Variants in CYLC1 observed in about 807,000 individuals in gnomAD.
CYLC1 encodes cylicin-1.
In CYLC1, 2 loss-of-function variants were observed where a neutral mutation model predicts 31.6. That is an observed-to-expected ratio of 0.06 (90% CI 0.03 to 0.20). The LOEUF (loss-of-function observed/expected upper bound fraction) is 0.20, where lower values mean the gene tolerates loss of function less well. CYLC1 is among the 10% of genes least tolerant of loss of function. CYLC1 has a pLI of 1.00. For synonymous variants in CYLC1, 185 were observed against 153.0 expected, an observed-to-expected ratio of 1.21 and a Z score of -1.54; for missense variants, 595 against 424.1, an observed-to-expected ratio of 1.40 and a Z score of -3.54.
chrX:83,864,274 A>T (rs1303200510), intron 1 of CYLC1, among the ~76,000 whole-genome samples: 2 of 111,218 alleles, frequency 1.8e-5, no homozygotes, highest in Non-Finnish European at 3.8e-5. Flanking sequence ...ATAACACAGG[A>T]TTGGATTTTG....
chrX:83,883,887 T>A (rs772193642), intron 4 of CYLC1, among the ~76,000 whole-genome samples: 3 of 111,877 alleles, frequency 2.7e-5, no homozygotes, highest in East Asian at 2.8e-4. Context: ...TATGTTCAGT[T>A]CATAAATTTT....
chrX:83,866,575 A>T (rs1046043014), intron 1 of CYLC1, among the ~76,000 whole-genome samples: 63 of 110,999 alleles, frequency 5.7e-4, no homozygotes, highest in African/African-American at 1.7e-3. Context: ...CTGGTATAAC[A>T]TTCTCAGAAA....
intron 4 of CYLC1, among the ~76,000 whole-genome samples, chrX:83,876,863 T>A (rs1244190462): frequency 9.0e-6 from 1 of 110,777 alleles, no homozygotes; most frequent in Non-Finnish European, 1.9e-5. Context: ...CACTCTTTAT[T>A]TACAGTCCTC....
chrX:83,861,219 T>C lies in CYLC1; in HGVS notation c.17+20T>C, dbSNP rs2031505247. On this transcript the variant is annotated intron_variant, in intron 1 of 4. Transcript: ENST00000329312. The stretch of plus-strand genomic sequence containing the variant: ...AAGGTTGTAAGTCCTCTTTTTAATA[T>C]TTTTTTAGTATTTTAAATAGCCAAT... 1 of 1,138,239 alleles carries C rather than the reference T, an allele frequency of 8.8e-7. No homozygotes were observed. Among genetic ancestry groups the C allele is most frequent in the Non-Finnish European group, 1.2e-6 (1 of 836,507 alleles). 93.8% of individuals were successfully genotyped at this position (1,138,239 alleles called of 1,213,427 possible). A position where few individuals can be genotyped will look rare whatever the true frequency, so the allele number is the denominator to read the frequency against.
At chrX:83,881,980 G>C (rs2031915912) in intron 4 of CYLC1, among the ~76,000 whole-genome samples, 1 of 110,694 alleles carries the variant, frequency 9.0e-6, no homozygotes, top group Admixed American at 9.7e-5. Flanking sequence ...ACAGGCGTGA[G>C]CCACCGCGCC....
chrX:83,873,223 C>A lies in CYLC1; in HGVS notation c.515C>A (p.Ser172Tyr), dbSNP rs2031699105. Residue 172 changes from serine to tyrosine, a missense_variant, in exon 4 of 5, where the codon TCC (serine) becomes TAC (tyrosine). Transcript: ENST00000329312. Reference sequence around the variant, plus strand: ...AAATCATCACATGAAAATGAACAATCCAAGAAGTCAAAATCCAGTTCAGAA... The same window carrying A: ...AAATCATCACATGAAAATGAACAATACAAGAAGTCAAAATCCAGTTCAGAA... ...PLKSSHENEQSKKSKSSSETN... is the reference protein window; with the variant it reads ...PLKSSHENEQYKKSKSSSETN... 5 of 1,199,693 alleles carry A rather than the reference C, an allele frequency of 4.2e-6. No homozygotes were observed. Among genetic ancestry groups the A allele is most frequent in the Non-Finnish European group, 5.6e-6 (5 of 889,883 alleles).
Position 83,873,565 on chromosome X carries a change from A to C in CYLC1, c.857A>C (p.Lys286Thr). 1 of 1,194,775 alleles carries C rather than the reference A, an allele frequency of 8.4e-7. No individual in the cohort carries two copies. Among genetic ancestry groups the C allele is most frequent in the South Asian group, 1.8e-5 (1 of 54,575 alleles). The change falls in exon 4 of 5, where the codon AAG becomes ACG. Residue 286 changes from lysine to threonine, a missense_variant. Lys to Thr is a moderately conservative substitution (Grantham distance 78, BLOSUM62 -1). Transcript: ENST00000329312. Reference protein sequence around the residue: ...YSLKYTKYTKKDTKKNAKKSS... With the variant: ...YSLKYTKYTKTDTKKNAKKSS... ...TTGAAGTATACAAAGTATACAAAGAAGGACACAAAAAAGAATGCAAAGAAA... is the reference window on the plus strand; with the variant it reads ...TTGAAGTATACAAAGTATACAAAGACGGACACAAAAAAGAATGCAAAGAAA...
At chrX:83,867,444 A>C (rs1425078128) in intron 1 of CYLC1, among the ~76,000 whole-genome samples, 2 of 111,830 alleles carry the variant, frequency 1.8e-5, no homozygotes, top group Non-Finnish European at 3.8e-5. Flanking sequence ...GTTGTTGTGG[A>C]AAATTGTCAC....
intron 4 of CYLC1, among the ~76,000 whole-genome samples, chrX:83,878,911 A>T: frequency 9.8e-6 from 1 of 102,101 alleles, no homozygotes. Context: ...TTTCTCCTCC[A>T]CTGGAGTCCT....
intron 4 of CYLC1, among the ~76,000 whole-genome samples, chrX:83,876,610 C>T (rs905436964): frequency 9.0e-6 from 1 of 110,664 alleles, no homozygotes; most frequent in Non-Finnish European, 1.9e-5. Flanking sequence ...GAAACTTTTC[C>T]TTTAAAGGTT....
intron 4 of CYLC1, among the ~76,000 whole-genome samples, chrX:83,875,880 TG>T (rs2031750596): frequency 9.0e-6 from 1 of 110,764 alleles, no homozygotes; most frequent in African/African-American, 3.3e-5. Flanking sequence ...GTAGGACTGC[TG>T]CCCTCTGACC....
chrX:83,874,602 C>T lies in CYLC1; in HGVS notation c.1894C>T (p.Pro632Ser), dbSNP rs780742126. ...TCTTTGTTGGTGCAAGATGCCTCCTCCACCTCCAAAACCAAGATATGCTCC... is the reference window on the plus strand; with the variant it reads ...TCTTTGTTGGTGCAAGATGCCTCCTTCACCTCCAAAACCAAGATATGCTCC... ...RRLCWCKMPP[P>S]PPKPRYAPLP... Residue 632 changes from proline (P) to serine (S), a missense_variant, in exon 4 of 5, where the codon CCA becomes TCA. Coordinates refer to ENST00000329312, the MANE Select transcript of CYLC1 (RefSeq NM_021118.3). 1.5e-5 allele frequency: 18 copies of T among 1,200,981 alleles called. No homozygotes were observed. In the Admixed American group the frequency reaches 3.6e-4, roughly 24 times the overall value.
At chrX:83,878,374 T>G (rs1429935539) in intron 4 of CYLC1, among the ~76,000 whole-genome samples, 4 of 44,347 alleles carry the variant, frequency 9.0e-5, no homozygotes, top group African/African-American at 8.3e-5. Context: ...TATATAAATA[T>G]ATATATAAAT....
chrX:83,864,945 T>A (rs774956472), intron 1 of CYLC1, among the ~76,000 whole-genome samples: 29 of 110,999 alleles, frequency 2.6e-4, no homozygotes, highest in African/African-American at 8.5e-4. Flanking sequence ...AACTTAGATC[T>A]TGGACCTCTT....
intron 4 of CYLC1, among the ~76,000 whole-genome samples, chrX:83,878,063 TA>T (rs2031813246): frequency 1.6e-5 from 1 of 62,804 alleles, no homozygotes; most frequent in Non-Finnish European, 2.6e-5. Context: ...TATTTGTATA[TA>T]AATATATATA....
Position 83,873,183 on chromosome X carries a change from G to A in CYLC1, c.475G>A (p.Asp159Asn). The change falls in exon 4 of 5, where the codon GAT becomes AAT. Residue 159 changes from aspartate (D) to asparagine (N), a missense_variant. Transcript: ENST00000329312. ...EEKTKRQNEADKTPLKSSHEN... is the reference protein window; with the variant it reads ...EEKTKRQNEANKTPLKSSHEN... ...GAAAACTAAAAGACAAAATGAGGCA[G>A]ATAAAACTCCCTTAAAATCATCACA... 1 of 1,206,046 alleles carries A rather than the reference G, an allele frequency of 8.3e-7. No homozygotes were observed. The highest frequency in any genetic ancestry group is 1.8e-5 in the South Asian group (1 of 55,965).
chrX:83,863,558 T>A (rs2031546344), intron 1 of CYLC1, among the ~76,000 whole-genome samples: 1 of 111,258 alleles, frequency 9.0e-6, no homozygotes, highest in South Asian at 3.8e-4. Flanking sequence ...AATTTAAACC[T>A]CTAATCATGC....
chrX:83,874,380 A>G lies in CYLC1; in HGVS notation c.1672A>G (p.Ile558Val). ...SLYKPGAKKK[I>V]DESDGTSANS... ...ATATAAACCTGGGGCTAAGAAGAAAATTGATGAATCAGATGGCACATCTGC... is the reference window on the plus strand; with the variant it reads ...ATATAAACCTGGGGCTAAGAAGAAAGTTGATGAATCAGATGGCACATCTGC... The change falls in exon 4 of 5, where the codon ATT (isoleucine) becomes GTT (valine). Residue 558 changes from isoleucine (I) to valine (V), a missense_variant. Ile to Val is a conservative substitution (Grantham distance 29, BLOSUM62 3). Transcript: ENST00000329312. 1 of 1,210,587 alleles carries G rather than the reference A, an allele frequency of 8.3e-7. No homozygotes were observed. Among genetic ancestry groups the G allele is most frequent in the Non-Finnish European group, 1.1e-6 (1 of 894,836 alleles).
chrX:83,876,440 A>G lies in CYLC1; in HGVS notation c.1923+1809A>G, dbSNP rs533704243. Among the ~76,000 whole-genome samples, 5 of 111,639 alleles carry G rather than the reference A, an allele frequency of 4.5e-5. No individual in the cohort carries two copies. In the South Asian group the frequency reaches 1.9e-3, roughly 42 times the overall value. The stretch of plus-strand genomic sequence containing the variant: ...CAGGCAGTTTTTAGGAAAAGTAAAT[A>G]AAATATAAGAAAAAAATTGAATACA... On this transcript the variant is annotated intron_variant, in intron 4 of 4. Transcript: ENST00000329312.
Sources: allele counts gnomAD v4.1 joint callset (sites outside exome capture counted in the v4.1 genomes callset), GRCh38; gene constraint gnomAD v4.1.1; transcripts MANE v1.5; gene names NCBI Gene and HGNC (gene_info 2026-07-23, HGNC 2026-07-21).